Variants in PARD3 observed in about 807,000 individuals in gnomAD.
PARD3 encodes par-3 family cell polarity regulator, also known as partitioning defective 3 homolog.
PARD3 carries 75 observed loss-of-function variants against 155.4 expected under a neutral mutation model. The observed-to-expected ratio is 0.48, with a 90% CI of 0.40 to 0.58. The LOEUF is 0.58. Among genes scored for constraint, PARD3 ranks in the 20% least tolerant of loss-of-function variants. PARD3 has a pLI of 0.00. For synonymous variants in PARD3, 576 were observed against 610.5 expected (o/e 0.94, Z 0.83); for missense variants, 1,642 against 1,721.7 (o/e 0.95, Z 0.82).
At chr10:34,240,131 C>T (rs1425651189) in intron 22 of PARD3, among the ~76,000 whole-genome samples, 5 of 152,068 alleles carry the variant, frequency 3.3e-5, no homozygotes, top group Admixed American at 6.6e-5. Context: ...ACCAAGAAAC[C>T]GAGGCTTAGA....
At chr10:34,568,811 C>T (rs1167119260) in intron 2 of PARD3, among the ~76,000 whole-genome samples, 1 of 152,162 alleles carries the variant, frequency 6.6e-6, no homozygotes, top group African/African-American at 2.4e-5. Flanking sequence ...AAAAGATGCA[C>T]TCAAATGTTA....
chr10:34,376,156 G>T (rs1841214417), intron 10 of PARD3, among the ~76,000 whole-genome samples: 2 of 152,136 alleles, frequency 1.3e-5, no homozygotes, highest in Non-Finnish European at 2.9e-5. Flanking sequence ...TATCAATATT[G>T]TATAGCTACA....
chr10:34,120,663 C>T (rs1468379016), intron 23 of PARD3, among the ~76,000 whole-genome samples: 2 of 152,080 alleles, frequency 1.3e-5, no homozygotes, highest in Non-Finnish European at 2.9e-5. Flanking sequence ...AGATGGCAGC[C>T]AAACAGGGAA....
At chr10:34,148,637 G>A (rs192194701) in intron 22 of PARD3, among the ~76,000 whole-genome samples, 2 of 152,096 alleles carry the variant, frequency 1.3e-5, no homozygotes, top group East Asian at 1.9e-4. Context: ...ATAGATAAGT[G>A]GCATCATACA....
intron 2 of PARD3, among the ~76,000 whole-genome samples, chr10:34,533,993 C>T (rs1023793479): frequency 2.6e-5 from 4 of 152,098 alleles, no homozygotes; most frequent in African/African-American, 9.7e-5. Flanking sequence ...AATAAACACC[C>T]CCATTTCCAT....
chr10:34,300,703 A>G (rs939940688), intron 20 of PARD3, among the ~76,000 whole-genome samples: 6 of 152,222 alleles, frequency 3.9e-5, no homozygotes, highest in Non-Finnish European at 8.8e-5. Context: ...TTTACTGACT[A>G]TAAGTACTTT....
intron 3 of PARD3, among the ~76,000 whole-genome samples, chr10:34,479,017 A>G (rs1175715263): frequency 6.6e-6 from 1 of 152,162 alleles, no homozygotes; most frequent in African/African-American, 2.4e-5. Context: ...CATTTTATAT[A>G]AAGGCTGTAT....
intron 2 of PARD3, among the ~76,000 whole-genome samples, chr10:34,621,202 TG>T (rs374863539): frequency 9.2e-5 from 14 of 152,192 alleles, no homozygotes; most frequent in African/African-American, 3.1e-4. Flanking sequence ...TTTGTTTTTT[TG>T]GGGGTTTTTT....
intron 7 of PARD3, among the ~76,000 whole-genome samples, chr10:34,389,277 G>A (rs1254039965): frequency 7.1e-6 from 1 of 139,904 alleles, no homozygotes; most frequent in East Asian, 2.0e-4. Flanking sequence ...ACAAGCTAGG[G>A]TACAGTAGCA....
At chr10:34,787,284 C>A (rs1208724536) in intron 1 of PARD3, among the ~76,000 whole-genome samples, 1 of 152,126 alleles carries the variant, frequency 6.6e-6, no homozygotes, top group African/African-American at 2.4e-5. Flanking sequence ...GAGGCTGAGG[C>A]AGGAGAATTG....
At chr10:34,550,532 A>G (rs2133963255) in intron 2 of PARD3, among the ~76,000 whole-genome samples, 1 of 152,302 alleles carries the variant, frequency 6.6e-6, no homozygotes, top group Middle Eastern at 3.4e-3. Context: ...CCTTTAATGT[A>G]TTGGAACCTT....
intron 3 of PARD3, among the ~76,000 whole-genome samples, chr10:34,479,840 C>T (rs181611085): frequency 1.3e-3 from 191 of 152,260 alleles, no homozygotes; most frequent in Middle Eastern, 3.4e-3. Context: ...AAGTGTTTTG[C>T]GGACTCAGAG....
intron 2 of PARD3, among the ~76,000 whole-genome samples, chr10:34,589,696 C>T (rs1243926267): frequency 1.4e-4 from 15 of 105,298 alleles, no homozygotes; most frequent in Non-Finnish European, 3.5e-5. Context: ...CTTTTTTGGA[C>T]AACATCCATG....
chr10:34,667,462 C>T (rs548990723), intron 2 of PARD3, among the ~76,000 whole-genome samples: 11 of 152,308 alleles, frequency 7.2e-5, no homozygotes, highest in South Asian at 6.2e-4. Flanking sequence ...GCATTTACCA[C>T]GGTGTTACTG....
At chr10:34,799,449 G>A (rs1172296631) in intron 1 of PARD3, among the ~76,000 whole-genome samples, 3 of 152,112 alleles carry the variant, frequency 2.0e-5, no homozygotes, top group African/African-American at 4.8e-5. Flanking sequence ...CCACACCAGA[G>A]AAGCAAGGGT....
chr10:34,147,185 T>C (rs1948553869), intron 22 of PARD3, among the ~76,000 whole-genome samples: 1 of 152,208 alleles, frequency 6.6e-6, no homozygotes, highest in African/African-American at 2.4e-5. Flanking sequence ...GGTTTCTCAC[T>C]ATTTTTCTGA....
Position 34,382,715 on chromosome 10 carries a change from C to T in PARD3, c.1224G>A (p.Leu408=). Residue 408 remains leucine, a synonymous_variant, in exon 9 of 25, where the codon CTG becomes CTA. Coordinates refer to ENST00000374788, the MANE Select transcript of PARD3 (RefSeq NM_001184785.2). The part of the protein sequence containing the change: ...GLHTVQRAPR[L]NHPPEQIDSH... Reference sequence around the variant, plus strand: ...AGTCTATCTGCTCAGGCGGGTGGTTCAGTCGGGGTGCTCTCTGCACCGTGT... The same window carrying T: ...AGTCTATCTGCTCAGGCGGGTGGTTTAGTCGGGGTGCTCTCTGCACCGTGT... 6.2e-7 allele frequency: 1 copy of T among 1,614,170 alleles called. No individual in the cohort carries two copies. The highest frequency in any genetic ancestry group is 8.5e-7 in the Non-Finnish European group (1 of 1,180,044).
intron 2 of PARD3, among the ~76,000 whole-genome samples, chr10:34,671,134 T>C (rs1211052882): frequency 6.6e-6 from 1 of 152,182 alleles, no homozygotes; most frequent in Non-Finnish European, 1.5e-5. Context: ...AAATAAGCGT[T>C]TAGGCTGCAA....
At chr10:34,324,465 A>G (rs1325638558) in intron 19 of PARD3, among the ~76,000 whole-genome samples, 1 of 152,136 alleles carries the variant, frequency 6.6e-6, no homozygotes, top group African/African-American at 2.4e-5. Context: ...GGAAGAAAGA[A>G]GATACACCTC....
Sources: allele counts gnomAD v4.1 joint callset (sites outside exome capture counted in the v4.1 genomes callset), GRCh38; gene constraint gnomAD v4.1.1; transcripts MANE v1.5; gene names NCBI Gene and HGNC (gene_info 2026-07-23, HGNC 2026-07-21).